Variants in PCDHA11 observed in about 807,000 individuals in gnomAD.
The protein encoded by PCDHA11 is protocadherin alpha 11.
In PCDHA11, 61 loss-of-function variants were observed where a neutral mutation model predicts 70.3. That is an observed-to-expected ratio of 0.87 (90% CI 0.71 to 1.07). The LOEUF (loss-of-function observed/expected upper bound fraction) is 1.07. PCDHA11 is among the 50% of genes least tolerant of loss of function. The probability of loss-of-function intolerance (pLI) is 0.00; values close to 1 mark genes in which losing one functional copy is unlikely to be tolerated. For synonymous variants in PCDHA11, 633 were observed against 555.1 expected (o/e 1.14, Z -1.97); for missense variants, 1,324 against 1,237.5 (o/e 1.07, Z -1.05).
chr5:140,987,034 C>T (rs782321957), intron 3 of PCDHA11, among the ~76,000 whole-genome samples: 12 of 151,770 alleles, frequency 7.9e-5, no homozygotes, highest in Non-Finnish European at 1.6e-4. Context: ...GTCAACATGG[C>T]GAAACCCCAT....
intron 1 of PCDHA11, among the ~76,000 whole-genome samples, chr5:140,890,116 G>A (rs1290402695): frequency 6.6e-6 from 1 of 152,142 alleles, no homozygotes; most frequent in East Asian, 1.9e-4. Flanking sequence ...ATTCAATGAT[G>A]TCACTTTGGT....
At chr5:140,882,677 A>C (rs782476966) in intron 1 of PCDHA11, 1 of 1,614,214 alleles carries the variant, frequency 6.2e-7, no homozygotes. Context: ...CCCTGAAAGC[A>C]AGAAACGAAT....
In PCDHA11 at chr5:141,006,011, G is replaced by A. The variant is rs146101776; in HGVS notation, c.2540-3616G>A. Among the ~76,000 whole-genome samples the A allele has an allele frequency of 2.7e-3, 408 of 151,544 alleles. 2 individuals carry two copies. Among genetic ancestry groups the A allele is most frequent in the African/African-American group, 8.8e-3 (365 of 41,422 alleles). Reference sequence around the variant, plus strand: ...GAGGATCTGAAAGAAGGCCTGTATGGTTGGAGTATAATAGTAAGAGGGAGA... The same window carrying A: ...GAGGATCTGAAAGAAGGCCTGTATGATTGGAGTATAATAGTAAGAGGGAGA... On this transcript the variant is annotated intron_variant, in intron 3 of 3. Coordinates refer to ENST00000398640, the MANE Select transcript of PCDHA11 (RefSeq NM_018902.5).
chr5:140,941,255 C>CTTTCTTTTTCTT (rs782490896), intron 1 of PCDHA11, among the ~76,000 whole-genome samples: 1 of 44,508 alleles, frequency 2.2e-5, no homozygotes, highest in Non-Finnish European at 5.1e-5. Context: ...TTCTTTCTTT[C>CTTTCTTTTTCTT]TCTTTCTTTC....
chr5:140,877,006 G>T, intron 1 of PCDHA11: 2 of 1,612,484 alleles, frequency 1.2e-6, no homozygotes, highest in Non-Finnish European at 1.7e-6. Context: ...GTCGGTGCAC[G>T]CGGAGAGCGG....
Position 140,870,112 on chromosome 5 carries a change from G to T in PCDHA11, c.1009G>T (p.Val337Leu), listed in dbSNP as rs781902121. ...PPMAGHCTVWVEILDTNDNSP... is the reference protein window; with the variant it reads ...PPMAGHCTVWLEILDTNDNSP... ...AATGGCAGGTCACTGTACAGTCTGG[G>T]TGGAAATCTTGGACACCAACGATAA... Residue 337 changes from valine to leucine, a missense_variant, in exon 1 of 4, where the codon GTG becomes TTG. By Grantham distance (32) the Val-to-Leu change is conservative (BLOSUM62 1). Transcript: ENST00000398640. 2 of 1,613,938 alleles carry T rather than the reference G, an allele frequency of 1.2e-6. No homozygotes were observed. The highest frequency in any genetic ancestry group is 2.2e-5 in the South Asian group (2 of 91,080).
intron 1 of PCDHA11, among the ~76,000 whole-genome samples, chr5:140,898,901 T>C (rs1196685970): frequency 7.9e-5 from 12 of 152,172 alleles, no homozygotes; most frequent in Admixed American, 7.9e-4. Context: ...GAAGAGGTCC[T>C]TCACGTCCCT....
intron 1 of PCDHA11, chr5:140,876,005 T>C: frequency 6.2e-7 from 1 of 1,613,854 alleles, no homozygotes; most frequent in African/African-American, 1.3e-5. Context: ...AATGAGAATT[T>C]TGAGCTTAAA....
intron 3 of PCDHA11, among the ~76,000 whole-genome samples, chr5:141,008,500 A>C (rs2098379990): frequency 6.6e-6 from 1 of 152,072 alleles, no homozygotes; most frequent in African/African-American, 2.4e-5. Context: ...GGTATACTTT[A>C]TGGTGTGTCT....
chr5:140,941,255 C>CTTTCTTTCTTTCTTTCTTTCTT (rs782490896), intron 1 of PCDHA11, among the ~76,000 whole-genome samples: 2 of 44,508 alleles, frequency 4.5e-5, no homozygotes, highest in African/African-American at 1.4e-4. Context: ...TTCTTTCTTT[C>CTTTCTTTCTTTCTTTCTTTCTT]TCTTTCTTTC....
chr5:140,927,191 T>TG, intron 1 of PCDHA11: 1 of 1,614,144 alleles, frequency 6.2e-7, no homozygotes, highest in East Asian at 2.2e-5. Flanking sequence ...TACGACCTGG[T>TG]GCTCGAGGAC....
chr5:140,924,900 AAAAAAT>A (rs2082118159), intron 1 of PCDHA11, among the ~76,000 whole-genome samples: 2 of 63,328 alleles, frequency 3.2e-5, no homozygotes, highest in African/African-American at 5.4e-5. Flanking sequence ...GTCTCAAAAA[AAAAAAT>A]AAAATAAAAT....
At chr5:140,973,720 A>G (rs781883210) in intron 1 of PCDHA11, among the ~76,000 whole-genome samples, 1 of 152,194 alleles carries the variant, frequency 6.6e-6, no homozygotes, top group Non-Finnish European at 1.5e-5. Flanking sequence ...GAGCCATCAC[A>G]TGGGCATCTG....
intron 1 of PCDHA11, among the ~76,000 whole-genome samples, chr5:140,933,701 A>G (rs1204346571): frequency 6.6e-6 from 1 of 151,814 alleles, no homozygotes; most frequent in East Asian, 1.9e-4. Flanking sequence ...CCTCGGACAC[A>G]TTTACTGAGA....
At chr5:140,876,473 G>C in intron 1 of PCDHA11, 7 of 1,614,038 alleles carry the variant, frequency 4.3e-6, no homozygotes, top group African/African-American at 2.7e-5. Flanking sequence ...GCAGGTCACA[G>C]CATGGTCCTG....
At chr5:140,871,728 G>A in intron 1 of PCDHA11, 1 of 724,824 alleles carries the variant, frequency 1.4e-6, no homozygotes, top group South Asian at 2.4e-5. Flanking sequence ...CTTAATATTT[G>A]GTTAGCAAAT....
chr5:140,949,924 A>AT (rs144693243), intron 1 of PCDHA11, among the ~76,000 whole-genome samples: 6 of 151,302 alleles, frequency 4.0e-5, no homozygotes, highest in African/African-American at 7.3e-5. Context: ...CTATTTTTAG[A>AT]TTTTTTTTAA....
At chr5:140,943,275 AAAG>A (rs1197372058) in intron 1 of PCDHA11, among the ~76,000 whole-genome samples, 86 of 137,844 alleles carry the variant, frequency 6.2e-4, no homozygotes, top group African/African-American at 2.2e-3. Flanking sequence ...AAAAAAAAAA[AAAG>A]AAAGAAAGAA....
chr5:140,899,171 A>G (rs1302003338), intron 1 of PCDHA11, among the ~76,000 whole-genome samples: 1 of 152,058 alleles, frequency 6.6e-6, no homozygotes, highest in Non-Finnish European at 1.5e-5. Context: ...TCCTAATTGA[A>G]TACCCTTTAT....
Sources: gnomAD v4.1 joint callset for allele counts (sites outside exome capture counted in the v4.1 genomes callset) on GRCh38, gnomAD v4.1.1 for gene constraint, MANE v1.5 for transcripts, NCBI Gene and HGNC (gene_info 2026-07-23, HGNC 2026-07-21) for gene names.